ADAMTS14: variants seen among roughly 807,000 people sequenced by gnomAD.
The protein encoded by ADAMTS14 is A disintegrin and metalloproteinase with thrombospondin motifs 14.
In ADAMTS14, 100 loss-of-function variants were observed where a neutral mutation model predicts 128.6. That is an observed-to-expected ratio of 0.78 (90% CI 0.66 to 0.92). The LOEUF is 0.92. ADAMTS14 is among the 40% of genes least tolerant of loss of function. ADAMTS14 has a pLI of 0.00. For missense variants in ADAMTS14, 1,562 were observed against 1,658.6 expected, an observed-to-expected ratio of 0.94 and a Z score of 1.01; for synonymous variants, 665 against 653.8, an observed-to-expected ratio of 1.02 and a Z score of -0.26.
At chr10:70,730,362 G>A in intron 6 of ADAMTS14, 113 bp downstream of exon 6, 1 of 1,401,392 alleles carries the variant, frequency 7.1e-7, no homozygotes, top group Middle Eastern at 2.1e-4. Context: ...ATGGAGGTTT[G>A]AAGGGATGGG....
In ADAMTS14 at chr10:70,760,987, G is replaced by T. The variant is rs1842601393; in HGVS notation, c.*134G>T. ...AAATCATTCGCCTTCTTCTCGTTTG[G>T]GGCTGTGATGCTCTTTACCCCACAA... On this transcript the variant is annotated 3_prime_UTR_variant, in exon 22 of 22. Coordinates refer to ENST00000373207, the MANE Select transcript of ADAMTS14 (RefSeq NM_080722.4). 4 of 1,279,864 alleles carry T rather than the reference G, an allele frequency of 3.1e-6. No individual in the cohort carries two copies. The South Asian group carries it at 7.0e-5, about 22-fold the overall frequency. 79.3% of individuals were successfully genotyped at this position (1,279,864 alleles called of 1,614,324 possible). A position where few individuals can be genotyped will look rare whatever the true frequency, so the allele number is the denominator to read the frequency against.
chr10:70,714,214 T>A (rs1442931062), intron 4 of ADAMTS14, among the ~76,000 whole-genome samples: 1 of 152,022 alleles, frequency 6.6e-6, no homozygotes, highest in Non-Finnish European at 1.5e-5. Flanking sequence ...AAAAAGAATA[T>A]CATTGTAGAA....
At chr10:70,684,954 C>A (rs1839913626) in intron 2 of ADAMTS14, among the ~76,000 whole-genome samples, 1 of 152,232 alleles carries the variant, frequency 6.6e-6, no homozygotes, top group Non-Finnish European at 1.5e-5. Flanking sequence ...CACTGTCTGC[C>A]CTGGATTAAT....
chr10:70,738,801 C>G, intron 10 of ADAMTS14, 41 bp from the exon 11 acceptor site: 2 of 1,612,494 alleles, frequency 1.2e-6, no homozygotes, highest in Non-Finnish European at 1.7e-6. Flanking sequence ...GGCTCAGCAG[C>G]AGCAGCCCAG....
intron 15 of ADAMTS14, 57 bp downstream of exon 15, chr10:70,745,363 T>C (rs1187368406): frequency 6.3e-7 from 1 of 1,576,014 alleles, no homozygotes; most frequent in South Asian, 1.1e-5. Context: ...CCCTCTGACT[T>C]GGGGGAGCTG....
intron 6 of ADAMTS14, 25 bp downstream of exon 6, chr10:70,730,274 T>A: frequency 1.9e-6 from 3 of 1,606,236 alleles, no homozygotes; most frequent in African/African-American, 2.7e-5. Flanking sequence ...GTATTTGCCA[T>A]GGCCAGGTGT....
At chr10:70,717,107 T>C (rs990866384) in intron 4 of ADAMTS14, among the ~76,000 whole-genome samples, 8 of 152,242 alleles carry the variant, frequency 5.3e-5, no homozygotes, top group African/African-American at 1.9e-4. Flanking sequence ...AAGGGGTAGT[T>C]GTTTTCAGCA....
At chr10:70,732,211 G>C (rs762910345) in intron 6 of ADAMTS14, 43 bp from the exon 7 acceptor site, 3 of 1,560,758 alleles carry the variant, frequency 1.9e-6, no homozygotes, top group Non-Finnish European at 1.8e-6. Flanking sequence ...TGCCTCACCT[G>C]CCCTCCACCT....
At chr10:70,750,601 C>G (rs375236991) in intron 16 of ADAMTS14, among the ~76,000 whole-genome samples, 2 of 152,202 alleles carry the variant, frequency 1.3e-5, no homozygotes, top group African/African-American at 4.8e-5. Flanking sequence ...AGCTGGGGGG[C>G]TCCTGGAGGA....
At chr10:70,743,489 G>T in intron 12 of ADAMTS14, 59 bp from the exon 13 acceptor site, 1 of 1,587,000 alleles carries the variant, frequency 6.3e-7, no homozygotes, top group Non-Finnish European at 8.6e-7. Flanking sequence ...ATACTGATCT[G>T]TCCTGGGCCA....
chr10:70,730,210 C>T lies in ADAMTS14; in HGVS notation c.1063C>T (p.His355Tyr). 1 of 1,614,088 alleles carries T rather than the reference C, an allele frequency of 6.2e-7. No homozygotes were observed. The highest frequency in any genetic ancestry group is 8.5e-7 in the Non-Finnish European group (1 of 1,179,996). ...QDPSHAEHHD[H>Y]VVFLTRQDFG... Reference sequence around the variant, plus strand: ...CCCCAGCCACGCTGAGCACCATGACCACGTTGTGTTCCTCACCCGGCAGGA... The same window carrying T: ...CCCCAGCCACGCTGAGCACCATGACTACGTTGTGTTCCTCACCCGGCAGGA... Residue 355 changes from histidine (H) to tyrosine (Y), a missense_variant, in exon 6 of 22, where the codon CAC becomes TAC. Transcript: ENST00000373207.
rs144429546 is a variant in ADAMTS14 at position 70,724,488 on chromosome 10, G to A, written c.871-4806G>A. Among the ~76,000 whole-genome samples the A allele has an allele frequency of 1.5e-3, 234 of 152,334 alleles. 1 individual carries two copies. The East Asian group carries it at 0.017, about 11-fold the overall frequency. On this transcript the variant is annotated intron_variant, in intron 4 of 21. Coordinates refer to ENST00000373207, the MANE Select transcript of ADAMTS14 (RefSeq NM_080722.4). ...GGAGGGCCAAGGCAGACAGGGCCAGGTCCTGGGTGCACAGCCAGGCTGGAG... is the reference window on the plus strand; with the variant it reads ...GGAGGGCCAAGGCAGACAGGGCCAGATCCTGGGTGCACAGCCAGGCTGGAG...
intron 13 of ADAMTS14, among the ~76,000 whole-genome samples, 164 bp from the exon 14 acceptor site, chr10:70,743,902 A>G (rs1008149294): frequency 1.3e-5 from 2 of 152,034 alleles, no homozygotes; most frequent in African/African-American, 4.8e-5. Flanking sequence ...CGGGTGTAAG[A>G]CCTCACCCAG....
In ADAMTS14 at chr10:70,752,121, C is replaced by G. The variant is rs770167458; in HGVS notation, c.2623C>G (p.Arg875Gly). ...GATCCAGTTCACCAAATACGGCTGC[C>G]GGCGCAGACGAGACCACCACATGGT... is the stretch of plus-strand genomic sequence containing the variant. ...GGIQFTKYGC[R>G]RRRDHHMVQR... The change falls in exon 18 of 22, where the codon CGG becomes GGG. Residue 875 changes from arginine to glycine, a missense_variant. Arg to Gly is a moderately radical substitution (Grantham distance 125). Transcript: ENST00000373207. The G allele has an allele frequency of 6.2e-7, 1 of 1,613,090 alleles. No homozygotes were observed. Among genetic ancestry groups the G allele is most frequent in the Non-Finnish European group, 8.5e-7 (1 of 1,179,880 alleles).
chr10:70,672,653 A>C lies in ADAMTS14; in HGVS notation c.-150A>C. ...GCGCAGGGGACCCGGAGCAGGCGGG[A>C]GGGAAGCAGCTAGGCGGGGAGGCGG... On this transcript the variant is annotated 5_prime_UTR_variant, in exon 1 of 22. Coordinates refer to ENST00000373207, the MANE Select transcript of ADAMTS14 (RefSeq NM_080722.4). The C allele has an allele frequency of 8.7e-7, 1 of 1,148,726 alleles. No individual in the cohort carries two copies. The highest frequency in any genetic ancestry group is 1.1e-6 in the Non-Finnish European group (1 of 899,828). The allele number at this position is 1,148,726 out of a possible 1,614,324, so 71.2% of individuals were successfully genotyped here.
rs1840520157 is a variant in ADAMTS14, at chr10:70,702,349, T to C, written c.560T>C (p.Ile187Thr). Reference protein sequence around the residue: ...LIRTDSTDFFIEPLERGQQEK... With the variant: ...LIRTDSTDFFTEPLERGQQEK... ...CGCACAGACAGCACCGACTTCTTCA[T>C]TGAGCCTCTGGAGCGGGGCCAGCAG... Residue 187 changes from isoleucine (I) to threonine (T), a missense_variant, in exon 3 of 22, where the codon ATT (isoleucine) becomes ACT (threonine). Coordinates refer to ENST00000373207, the MANE Select transcript of ADAMTS14 (RefSeq NM_080722.4). 6 of 1,614,198 alleles carry C rather than the reference T, an allele frequency of 3.7e-6. No individual in the cohort carries two copies. The highest frequency in any genetic ancestry group is 5.1e-6 in the Non-Finnish European group (6 of 1,180,040).
intron 2 of ADAMTS14, among the ~76,000 whole-genome samples, chr10:70,681,100 G>A (rs193148014): frequency 2.0e-4 from 30 of 152,352 alleles, no homozygotes; most frequent in Admixed American, 1.6e-3. Flanking sequence ...CTCTGCCCCT[G>A]TATTCCAGAA....
intron 11 of ADAMTS14, among the ~76,000 whole-genome samples, chr10:70,739,910 A>G (rs973975517): frequency 4.6e-5 from 7 of 152,196 alleles, no homozygotes; most frequent in Admixed American, 2.0e-4. Flanking sequence ...ACACACATGA[A>G]CCAAAATGGA....
intron 2 of ADAMTS14, among the ~76,000 whole-genome samples, chr10:70,700,462 C>T (rs192331214): frequency 3.3e-5 from 5 of 152,238 alleles, no homozygotes; most frequent in Admixed American, 2.0e-4. Context: ...GGGAGAATCT[C>T]CTTGTCTCTG....
Sources: gnomAD v4.1 joint callset for allele counts (sites outside exome capture counted in the v4.1 genomes callset) on GRCh38, gnomAD v4.1.1 for gene constraint, MANE v1.5 for transcripts, NCBI Gene and HGNC (gene_info 2026-07-23, HGNC 2026-07-21) for gene names.